SLC35B1: variants seen among roughly 807,000 people sequenced by gnomAD.
The protein encoded by SLC35B1 is ATP/ADP exchanger ER.
Under a neutral mutation model 36.6 loss-of-function variants are expected in SLC35B1, and 27 were observed. That is an observed-to-expected ratio of 0.74 (90% CI 0.54 to 1.02). The LOEUF is 1.02. Among genes scored for constraint, SLC35B1 ranks in the 50% least tolerant of loss-of-function variants. SLC35B1 has a pLI of 0.00. For synonymous variants in SLC35B1, 162 were observed against 152.5 expected, an observed-to-expected ratio of 1.06 and a Z score of -0.46; for missense variants, 321 against 383.2, an observed-to-expected ratio of 0.84 and a Z score of 1.35.
intron 1 of SLC35B1, chr17:49,707,317 C>T: frequency 6.9e-7 from 1 of 1,443,488 alleles, no homozygotes; most frequent in Non-Finnish European, 9.2e-7. Context: ...AGGAAACATG[C>T]AGAACGAGAT....
At chr17:49,703,788 C>T (rs918735895) in intron 6 of SLC35B1, 1 of 379,758 alleles carries the variant, frequency 2.6e-6, no homozygotes, top group African/African-American at 2.1e-5. Context: ...ACTCTGTTTC[C>T]TGTGAGCACT....
rs1020646714 is a variant in SLC35B1 at position 49,701,363 on chromosome 17, A to G, written c.*95T>C. 1.1e-6 allele frequency: 1 copy of G among 910,384 alleles called. No individual in the cohort carries two copies. Among genetic ancestry groups the G allele is most frequent in the Non-Finnish European group, 1.8e-6 (1 of 562,508 alleles). The allele number at this position is 910,384 out of a possible 1,614,324, so 56.4% of individuals were successfully genotyped here. A position where few individuals can be genotyped will look rare whatever the true frequency, so the allele number is the denominator to read the frequency against. ...ATTTTATTAAAAAAGACTGGAACTC[A>G]GTCCCATATTCCTATTAAGTCCATT... On this transcript the variant is annotated 3_prime_UTR_variant, in exon 9 of 9. Coordinates refer to ENST00000240333, the MANE Select transcript of SLC35B1 (RefSeq NM_005827.4).
At chr17:49,708,136 G>C (rs544216024), upstream of SLC35B1, 4 of 699,696 alleles carry the variant, frequency 5.7e-6, no homozygotes, top group African/African-American at 1.8e-5. Context: ...CCTCGCCCTG[G>C]AGATTTTTCC....
Position 49,706,346 on chromosome 17 carries a change from C to CAAAAAAAAAAAAAAAAAAGAAAGAAAAAA in SLC35B1, c.209-13_209-12insTTTTTTCTTTCTTTTTTTTTTTTTTTTTT, listed in dbSNP as rs2073417529. 2.8e-6 allele frequency: 2 copies of CAAAAAAAAAAAAAAAAAAGAAAGAAAAAA among 703,146 alleles called. No homozygotes were observed. Among genetic ancestry groups the CAAAAAAAAAAAAAAAAAAGAAAGAAAAAA allele is most frequent in the Non-Finnish European group, 3.5e-6 (2 of 576,766 alleles). 43.6% of individuals were successfully genotyped at this position (703,146 alleles called of 1,614,324 possible). A position where few individuals can be genotyped will look rare whatever the true frequency, so the allele number is the denominator to read the frequency against. On this transcript the variant is annotated splice_polypyrimidine_tract_variant and intron_variant, in intron 2 of 8. Coordinates refer to ENST00000240333, the MANE Select transcript of SLC35B1 (RefSeq NM_005827.4). ...AAAAAACTGGATCACTGGGAGAAGA[C>CAAAAAAAAAAAAAAAAAAGAAAGAAAAAA]AAAAAAAAAAAAAAAAAAAGAAAAG...
chr17:49,706,374 A>AACAAAAC, intron 2 of SLC35B1, 40 bp from the exon 3 acceptor site: 1 of 1,140,362 alleles, frequency 8.8e-7, no homozygotes, highest in Non-Finnish European at 1.2e-6. Flanking sequence ...AAGAAAAGAA[A>AACAAAAC]AGAAAAAAAA....
intron 2 of SLC35B1, 37 bp from the exon 3 acceptor site, chr17:49,706,371 G>GAAAAAAAAAAAAAAAAAAAAAAAAAAAAA: frequency 9.1e-6 from 4 of 440,714 alleles, no homozygotes; most frequent in South Asian, 1.3e-4. Flanking sequence ...AAAAAGAAAA[G>GAAAAAAAAAAAAAAAAAAAAAAAAAAAAA]AAAAGAAAAA....
upstream of SLC35B1, chr17:49,708,159 C>A: frequency 1.5e-6 from 1 of 680,532 alleles, no homozygotes; most frequent in Non-Finnish European, 2.7e-6. Flanking sequence ...TCAGGCAACT[C>A]TGAGGACAAC....
rs756434783 is a variant in SLC35B1, at chr17:49,705,265, CA to C, written c.386del (p.Val129GlyfsTer4). 6.2e-7 allele frequency: 1 copy of C among 1,614,138 alleles called. No homozygotes were observed. Among genetic ancestry groups the C allele is most frequent in the South Asian group, 1.1e-5 (1 of 91,078 alleles). On this transcript the variant is annotated frameshift_variant, in exon 5 of 9. Transcript: ENST00000240333. LOFTEE classifies it high-confidence loss of function. ...ACGGGTACTTCTTCTTCAAGAGGGT[CA>C]CCCCAAGGAGCATGACTACAGGGAA... is the stretch of plus-strand genomic sequence containing the variant. Reference protein sequence around the residue: ...CKPIPVMLLGVTLLKKKYPLA... With the variant: ...CKPIPVMLLGXTLLKKKYPLA...
intron 4 of SLC35B1, chr17:49,705,550 G>A: frequency 1.7e-6 from 1 of 585,284 alleles, no homozygotes; most frequent in Non-Finnish European, 3.0e-6. Context: ...AGAAGGAAAA[G>A]AAGTTGAGAT....
intron 1 of SLC35B1, 136 bp downstream of exon 1, chr17:49,707,594 G>T: frequency 6.9e-7 from 1 of 1,449,276 alleles, no homozygotes; most frequent in Non-Finnish European, 9.2e-7. Flanking sequence ...AGCCATAGCT[G>T]CAAAAGTAGT....
At chr17:49,703,582 T>C (rs575788317) in intron 6 of SLC35B1, 24 of 389,680 alleles carry the variant, frequency 6.2e-5, no homozygotes, top group South Asian at 5.3e-4. Context: ...TCAGATGCTG[T>C]AGAGATGCTG....
At position 49,701,409 on chromosome 17, in the gene SLC35B1, T is replaced by G; in HGVS notation, c.*49A>C. The G allele has an allele frequency of 1.8e-5, 26 of 1,417,406 alleles. No individual in the cohort carries two copies. Among genetic ancestry groups the G allele is most frequent in the African/African-American group, 2.8e-5 (2 of 71,182 alleles). The allele number at this position is 1,417,406 out of a possible 1,614,324, so 87.8% of individuals were successfully genotyped here. A position where few individuals can be genotyped will look rare whatever the true frequency, so the allele number is the denominator to read the frequency against. On this transcript the variant is annotated 3_prime_UTR_variant, in exon 9 of 9. Coordinates refer to ENST00000240333, the MANE Select transcript of SLC35B1 (RefSeq NM_005827.4). The stretch of plus-strand genomic sequence containing the variant: ...CCATTTTCCCAAGAGATGTCACTGT[T>G]TGAGATAATAACTTAAATATTCTTG...
chr17:49,701,449 T>G lies in SLC35B1; in HGVS notation c.*9A>C. On this transcript the variant is annotated 3_prime_UTR_variant, in exon 9 of 9. Coordinates refer to ENST00000240333, the MANE Select transcript of SLC35B1 (RefSeq NM_005827.4). Reference sequence around the variant, plus strand: ...AAATATTCTTGATGTGGAGGTAGTCTCTCTCTTCCTAGTGGGATGTCTTCT... The same window carrying G: ...AAATATTCTTGATGTGGAGGTAGTCGCTCTCTTCCTAGTGGGATGTCTTCT... The G allele has an allele frequency of 3.1e-6, 5 of 1,608,672 alleles. No homozygotes were observed. Among genetic ancestry groups the G allele is most frequent in the Non-Finnish European group, 4.3e-6 (5 of 1,175,116 alleles).
At chr17:49,702,805 A>G in intron 8 of SLC35B1, 53 bp downstream of exon 8, 1 of 1,537,792 alleles carries the variant, frequency 6.5e-7, no homozygotes, top group Non-Finnish European at 8.8e-7. Context: ...ATATACAAGT[A>G]AATTTTAGGA....
Position 49,705,132 on chromosome 17 carries a change from G to C in SLC35B1, c.520C>G (p.Leu174Val), listed in dbSNP as rs901096067. ...CCAACAGGATCTCATACCAAGAGTA[G>C]CTCTCCATAGCCGACTGTGTGTTCT... ...IEEHTVGYGELLLLLSLTLDG... is the reference protein window; with the variant it reads ...IEEHTVGYGEVLLLLSLTLDG... Residue 174 changes from leucine to valine, a missense_variant, in exon 5 of 9, where the codon CTA (leucine) becomes GTA (valine). Transcript: ENST00000240333. 1 of 1,614,038 alleles carries C rather than the reference G, an allele frequency of 6.2e-7. No individual in the cohort carries two copies. Among genetic ancestry groups the C allele is most frequent in the African/African-American group, 1.3e-5 (1 of 75,026 alleles).
At chr17:49,701,662 G>C in intron 8 of SLC35B1, 152 bp from the exon 9 acceptor site, 1 of 612,838 alleles carries the variant, frequency 1.6e-6, no homozygotes, top group South Asian at 2.0e-5. Context: ...AACTTCCTCA[G>C]AGACAAGAGA....
At chr17:49,703,978 A>C in intron 6 of SLC35B1, 122 bp downstream of exon 6, 1 of 1,335,900 alleles carries the variant, frequency 7.5e-7, no homozygotes, top group Admixed American at 1.8e-5. Flanking sequence ...GCTTGAACAA[A>C]AGGGCATCTT....
rs1162896787 is a variant in SLC35B1 at position 49,702,858 on chromosome 17, C to G, written c.916G>C (p.Gly306Arg). The G allele has an allele frequency of 1.9e-6, 3 of 1,612,464 alleles. No homozygotes were observed. Among genetic ancestry groups the G allele is most frequent in the Non-Finnish European group, 2.5e-6 (3 of 1,178,994 alleles). The change falls in exon 8 of 9, where the codon GGT becomes CGT. Residue 306 changes from glycine to arginine, a missense_variant and splice_region_variant. By Grantham distance (125) the Gly-to-Arg change is moderately radical. Transcript: ENST00000240333. ...ACTGTGTCTCTGTGTGGCCACTTAC[C>G]CAGGAACACAAGCACAGTGCCCACC... Reference protein sequence around the residue: ...QWVGTVLVFLGLGLDAKFGKG... With the variant: ...QWVGTVLVFLRLGLDAKFGKG...
chr17:49,702,769 C>T, intron 8 of SLC35B1, 89 bp downstream of exon 8: 9 of 1,427,978 alleles, frequency 6.3e-6, no homozygotes, highest in Admixed American at 2.2e-5. Flanking sequence ...AAAGTTTTCT[C>T]TAAAATATTT....
Sources: allele counts gnomAD v4.1 joint callset, GRCh38; gene constraint gnomAD v4.1.1; transcripts MANE v1.5; gene names NCBI Gene and HGNC (gene_info 2026-07-23, HGNC 2026-07-21).